Variants in DNAH6 observed in about 807,000 individuals in gnomAD.
DNAH6 encodes axonemal beta dynein heavy chain 6.
DNAH6 carries 340 observed loss-of-function variants against 491.4 expected under a neutral mutation model. That is an observed-to-expected ratio of 0.69 (90% CI 0.63 to 0.76). The LOEUF is 0.76. Among genes scored for constraint, DNAH6 ranks in the 30% least tolerant of loss-of-function variants. The pLI is 0.00. For missense variants in DNAH6, 4,443 were observed against 4,972.2 expected, an observed-to-expected ratio of 0.89 and a Z score of 3.20; for synonymous variants, 1,603 against 1,686.1, an observed-to-expected ratio of 0.95 and a Z score of 1.21.
intron 2 of DNAH6, among the ~76,000 whole-genome samples, chr2:84,518,647 A>G (rs567646959): frequency 6.6e-6 from 1 of 152,350 alleles, no homozygotes; most frequent in African/African-American, 2.4e-5. Flanking sequence ...GTTGATGATT[A>G]AAGTTGTTTA....
chr2:84,636,735 C>A (rs1343350637), intron 30 of DNAH6, among the ~76,000 whole-genome samples: 1 of 151,866 alleles, frequency 6.6e-6, no homozygotes, highest in Non-Finnish European at 1.5e-5. Context: ...GATGAATTTA[C>A]AATTAGTGGG....
chr2:84,581,990 A>G lies in DNAH6; in HGVS notation c.2230-2009A>G, dbSNP rs543282523. ...AGACACTATTAATCATTGTACTAGG[A>G]CAATAAGTGTAAACCCAGGACATTC... is the stretch of plus-strand genomic sequence containing the variant. On this transcript the variant is annotated intron_variant, in intron 14 of 76. Coordinates refer to ENST00000389394, the MANE Select transcript of DNAH6 (RefSeq NM_001370.2). 3.9e-5 allele frequency among the ~76,000 whole-genome samples: 6 copies of G among 152,334 alleles called. No individual in the cohort carries two copies. The South Asian group carries it at 1.2e-3, about 32-fold the overall frequency.
At chr2:84,737,080 G>A (rs1435989627) in intron 62 of DNAH6, among the ~76,000 whole-genome samples, 1 of 152,024 alleles carries the variant, frequency 6.6e-6, no homozygotes, top group Non-Finnish European at 1.5e-5. Context: ...CGTCTATTGA[G>A]GTGATCATAT....
intron 63 of DNAH6, among the ~76,000 whole-genome samples, chr2:84,749,457 G>A (rs1208163268): frequency 6.6e-6 from 1 of 152,150 alleles, no homozygotes; most frequent in Non-Finnish European, 1.5e-5. Context: ...TTCTAATGGG[G>A]AGCAGTTCCA....
rs1553447577 is a variant in DNAH6, at chr2:84,624,550, C to T, written c.4283C>T (p.Ala1428Val). ...CTGGATAATTGTGTGGCTAGAATGG[C>T]GCTCTCTCAGTACACTTATGGCTAT... is the stretch of plus-strand genomic sequence containing the variant. ...IDLDNCVARM[A>V]LSQYTYGYEY... The change falls in exon 28 of 77, where the codon GCG (alanine) becomes GTG (valine). Residue 1428 changes from alanine to valine, a missense_variant. Physicochemically the swap from Ala to Val is moderately conservative, Grantham distance 64 (BLOSUM62 0). Coordinates refer to ENST00000389394, the MANE Select transcript of DNAH6 (RefSeq NM_001370.2). The T allele has an allele frequency of 3.9e-6, 6 of 1,551,492 alleles. No homozygotes were observed. Among genetic ancestry groups the T allele is most frequent in the South Asian group, 1.2e-5 (1 of 84,060 alleles).
chr2:84,558,262 C>T (rs1680265291), intron 11 of DNAH6, among the ~76,000 whole-genome samples: 1 of 151,874 alleles, frequency 6.6e-6, no homozygotes, highest in South Asian at 2.1e-4. Context: ...CCCATCTCTA[C>T]TAAAAAATAC....
intron 4 of DNAH6, among the ~76,000 whole-genome samples, chr2:84,542,902 T>C (rs1678399769): frequency 6.6e-6 from 1 of 152,216 alleles, no homozygotes; most frequent in Non-Finnish European, 1.5e-5. Context: ...CTCACGCTTT[T>C]AATCCCAACA....
chr2:84,687,281 C>A (rs1251742758), intron 44 of DNAH6, among the ~76,000 whole-genome samples: 1 of 152,146 alleles, frequency 6.6e-6, no homozygotes, highest in Non-Finnish European at 1.5e-5. Flanking sequence ...ACTAAGGTGC[C>A]TCTTGTTCGA....
intron 18 of DNAH6, among the ~76,000 whole-genome samples, chr2:84,602,797 G>GTTTTTTTTTTTTTTTTTTT (rs70949898): frequency 8.2e-6 from 1 of 121,866 alleles, no homozygotes; most frequent in African/African-American, 3.2e-5. Flanking sequence ...TGGATGCTCT[G>GTTTTTTTTTTTTTTTTTTT]TTTTTTTTTT....
At chr2:84,684,168 T>A (rs571142094) in intron 42 of DNAH6, among the ~76,000 whole-genome samples, 9 of 152,364 alleles carry the variant, frequency 5.9e-5, no homozygotes, top group African/African-American at 1.9e-4. Context: ...TGCCCTCTTA[T>A]ACTAGCAGTT....
At chr2:84,598,685 T>C (rs1400190127) in intron 18 of DNAH6, among the ~76,000 whole-genome samples, 1 of 152,194 alleles carries the variant, frequency 6.6e-6, no homozygotes. Flanking sequence ...GGGACCTTTT[T>C]GTTTTGTTTT....
chr2:84,600,970 A>G (rs1473438200), intron 18 of DNAH6, among the ~76,000 whole-genome samples: 3 of 140,836 alleles, frequency 2.1e-5, no homozygotes, highest in African/African-American at 8.8e-5. Context: ...TAATAACACT[A>G]TATTATTATT....
chr2:84,805,254 T>G (rs2105316328), intron 70 of DNAH6, among the ~76,000 whole-genome samples: 1 of 152,284 alleles, frequency 6.6e-6, no homozygotes, highest in Non-Finnish European at 1.5e-5. Flanking sequence ...GAAAATAAAA[T>G]TTCCTTAAGC....
At chr2:84,781,900 G>A (rs1192374) in intron 65 of DNAH6, among the ~76,000 whole-genome samples, 9,939 of 152,186 alleles carry the variant, frequency 0.065, 386 homozygotes, top group Non-Finnish European at 0.084. Context: ...TCTATGAGAG[G>A]TCATTTGAAT....
chr2:84,692,417 G>GTAGATAGATAGA (rs3029918), intron 45 of DNAH6, among the ~76,000 whole-genome samples: 4 of 144,968 alleles, frequency 2.8e-5, no homozygotes, highest in East Asian at 2.0e-4. Flanking sequence ...TATAAATAAG[G>GTAGATAGATAGA]TAGATAGATA....
At chr2:84,616,659 C>T (rs570058406) in intron 22 of DNAH6, among the ~76,000 whole-genome samples, 8 of 152,212 alleles carry the variant, frequency 5.3e-5, no homozygotes, top group African/African-American at 1.9e-4. Flanking sequence ...GTCAAACTGT[C>T]AGCTTTTGCT....
chr2:84,748,233 A>T (rs1166126986), intron 63 of DNAH6, among the ~76,000 whole-genome samples: 1 of 152,084 alleles, frequency 6.6e-6, no homozygotes, highest in South Asian at 2.1e-4. Context: ...CTTCCCTACC[A>T]CATAAGCACG....
chr2:84,489,748 TTAATC>T, the DNAH6 span, among the ~76,000 whole-genome samples: 2 of 152,180 alleles, frequency 1.3e-5, no homozygotes, highest in African/African-American at 4.8e-5. Context: ...CTATATTTGT[TTAATC>T]TAGAGCAGTG....
At chr2:84,791,211 A>G (rs572314509) in intron 68 of DNAH6, among the ~76,000 whole-genome samples, 86 of 151,872 alleles carry the variant, frequency 5.7e-4, no homozygotes, top group Non-Finnish European at 1.1e-3. Context: ...GAAAAAAGAA[A>G]AAAAAAACAC....
Sources: allele counts gnomAD v4.1 joint callset (sites outside exome capture counted in the v4.1 genomes callset), GRCh38; gene constraint gnomAD v4.1.1; transcripts MANE v1.5; gene names NCBI Gene and HGNC (gene_info 2026-07-23, HGNC 2026-07-21).